The following EFNA5 variants were observed in gnomAD, a reference collection of about 807,000 sequenced individuals.
EFNA5 encodes ephrin A5, also known as ephrin-A5.
EFNA5 carries 5 observed loss-of-function variants against 22.9 expected under a neutral mutation model. That is an observed-to-expected ratio of 0.22 (90% CI 0.11 to 0.46). The LOEUF (loss-of-function observed/expected upper bound fraction) is 0.46. EFNA5 is among the 20% of genes least tolerant of loss of function. The pLI is 0.99. For missense variants in EFNA5, 237 were observed against 293.3 expected (o/e 0.81, Z 1.40); for synonymous variants, 113 against 112.2 (o/e 1.01, Z -0.04).
intron 1 of EFNA5, among the ~76,000 whole-genome samples, chr5:107,443,228 G>C (rs1477704486): frequency 6.6e-6 from 1 of 152,200 alleles, no homozygotes; most frequent in East Asian, 1.9e-4. Flanking sequence ...CTGCCTTTTA[G>C]TAAAGGCAAT....
chr5:107,436,007 T>C (rs572767267), intron 1 of EFNA5, among the ~76,000 whole-genome samples: 12 of 152,352 alleles, frequency 7.9e-5, no homozygotes, highest in African/African-American at 2.9e-4. Context: ...TATGTATGTG[T>C]GTGCACTTTA....
intron 1 of EFNA5, among the ~76,000 whole-genome samples, chr5:107,654,415 G>A (rs1750786463): frequency 6.6e-6 from 1 of 152,152 alleles, no homozygotes; most frequent in Admixed American, 6.5e-5. Context: ...TTACTAAAAT[G>A]ATTAAGGCTA....
intron 1 of EFNA5, among the ~76,000 whole-genome samples, chr5:107,582,361 C>T (rs1749089818): frequency 6.6e-6 from 1 of 152,094 alleles, no homozygotes; most frequent in South Asian, 2.1e-4. Context: ...TCATTTGGGG[C>T]TGAGATGATG....
intron 1 of EFNA5, among the ~76,000 whole-genome samples, chr5:107,457,332 T>A (rs1404926426): frequency 6.6e-6 from 1 of 152,110 alleles, no homozygotes; most frequent in Admixed American, 6.6e-5. Context: ...GCACTCTAGA[T>A]CCTTGACTCA....
At chr5:107,470,795 C>T (rs1206612668) in intron 1 of EFNA5, among the ~76,000 whole-genome samples, 2 of 152,020 alleles carry the variant, frequency 1.3e-5, no homozygotes, top group African/African-American at 2.4e-5. Context: ...CAGGACAAGG[C>T]GGAGGCAGGA....
At chr5:107,631,558 T>A (rs370452460) in intron 1 of EFNA5, among the ~76,000 whole-genome samples, 1 of 152,096 alleles carries the variant, frequency 6.6e-6, no homozygotes, top group East Asian at 1.9e-4. Context: ...ACTCTTCCCA[T>A]AAAACACTGA....
intron 1 of EFNA5, among the ~76,000 whole-genome samples, chr5:107,573,985 T>C (rs1748871297): frequency 6.6e-6 from 1 of 152,208 alleles, no homozygotes; most frequent in Non-Finnish European, 1.5e-5. Context: ...CTTGGGGTGA[T>C]TTTAGCTGTT....
chr5:107,393,643 C>T (rs1484086714), intron 2 of EFNA5, among the ~76,000 whole-genome samples: 2 of 152,180 alleles, frequency 1.3e-5, no homozygotes, highest in African/African-American at 2.4e-5. Context: ...TTTCTCAATT[C>T]GTGCAAGTCA....
chr5:107,567,688 C>G (rs919109709), intron 1 of EFNA5, among the ~76,000 whole-genome samples: 7 of 152,142 alleles, frequency 4.6e-5, no homozygotes, highest in African/African-American at 1.7e-4. Context: ...AGTAGCAGGA[C>G]CATTAACTTT....
At chr5:107,453,536 A>T (rs1749615080) in intron 1 of EFNA5, among the ~76,000 whole-genome samples, 2 of 152,224 alleles carry the variant, frequency 1.3e-5, no homozygotes, top group Non-Finnish European at 2.9e-5. Context: ...CTACAAGTGC[A>T]TAAGTACAGA....
intron 2 of EFNA5, among the ~76,000 whole-genome samples, chr5:107,395,052 T>TTTTTTTTTTTTTTC (rs1554056358): frequency 1.5e-4 from 22 of 144,276 alleles, no homozygotes; most frequent in Non-Finnish European, 2.9e-4. Context: ...TTTTTTTTTT[T>TTTTTTTTTTTTTTC]CCGCGAGACA....
At chr5:107,532,665 G>A (rs998420466) in intron 1 of EFNA5, among the ~76,000 whole-genome samples, 17 of 152,186 alleles carry the variant, frequency 1.1e-4, no homozygotes, top group South Asian at 4.1e-4. Flanking sequence ...CATGTGGACC[G>A]AATCTGAGTG....
At chr5:107,578,853 G>T (rs71575447) in intron 1 of EFNA5, among the ~76,000 whole-genome samples, 1 of 152,210 alleles carries the variant, frequency 6.6e-6, no homozygotes, top group Non-Finnish European at 1.5e-5. Context: ...TGGCTTCTAC[G>T]CTGGACATGG....
At chr5:107,455,376 CA>C (rs1749672216) in intron 1 of EFNA5, among the ~76,000 whole-genome samples, 1 of 152,126 alleles carries the variant, frequency 6.6e-6, no homozygotes. Flanking sequence ...AGGGAGTTCA[CA>C]AAAGACCCAT....
At position 107,459,697 on chromosome 5, in the gene EFNA5, A is replaced by T. The variant is rs530184223; in HGVS notation, c.126-32188T>A. 1.1e-4 allele frequency among the ~76,000 whole-genome samples: 17 copies of T among 152,272 alleles called. No homozygotes were observed. The East Asian group carries it at 3.1e-3, about 28-fold the overall frequency. On this transcript the variant is annotated intron_variant, in intron 1 of 4. Coordinates refer to ENST00000333274, the MANE Select transcript of EFNA5 (RefSeq NM_001962.3). ...TCCTCTGCTCCACAGGAGTGGAAGG[A>T]AAGTGGTCAGAATTGAGTTGTCACG...
intron 1 of EFNA5, among the ~76,000 whole-genome samples, chr5:107,549,067 T>G (rs978583181): frequency 1.3e-5 from 2 of 152,222 alleles, no homozygotes; most frequent in Non-Finnish European, 2.9e-5. Context: ...ATATTTCTTT[T>G]CTATGCAATC....
At chr5:107,439,578 C>T (rs1480228984) in intron 1 of EFNA5, among the ~76,000 whole-genome samples, 1 of 152,156 alleles carries the variant, frequency 6.6e-6, no homozygotes, top group African/African-American at 2.4e-5. Flanking sequence ...TATGCCACTA[C>T]CAGCACTTCT....
chr5:107,472,751 C>T (rs1580475128), intron 1 of EFNA5, among the ~76,000 whole-genome samples: 1 of 152,246 alleles, frequency 6.6e-6, no homozygotes, highest in African/African-American at 2.4e-5. Context: ...GCTCTGGCAG[C>T]TTATTTGCAC....
chr5:107,660,281 T>TATATATATAA (rs1750921167), intron 1 of EFNA5, among the ~76,000 whole-genome samples: 1 of 55,622 alleles, frequency 1.8e-5, no homozygotes, highest in Non-Finnish European at 3.7e-5. Flanking sequence ...TATATATATA[T>TATATATATAA]ATATATATAT....
Sources: gnomAD v4.1 joint callset for allele counts (sites outside exome capture counted in the v4.1 genomes callset) on GRCh38, gnomAD v4.1.1 for gene constraint, MANE v1.5 for transcripts, NCBI Gene and HGNC (gene_info 2026-07-23, HGNC 2026-07-21) for gene names.